The following TRIM60 variants were observed in gnomAD, a reference collection of about 807,000 sequenced individuals.
TRIM60 encodes the protein tripartite motif-containing protein 60.
For synonymous variants in TRIM60, 189 were observed against 195.2 expected, an observed-to-expected ratio of 0.97 and a Z score of 0.27; for missense variants, 524 against 540.8, an observed-to-expected ratio of 0.97 and a Z score of 0.31.
At chr4:165,039,747 G>A (rs1733706550) in intron 2 of TRIM60, 1 of 157,710 alleles carries the variant, frequency 6.3e-6, no homozygotes, top group Non-Finnish European at 1.3e-5. Flanking sequence ...GCAGTGAGCC[G>A]AGATTGCGCC....
At chr4:165,036,905 A>G (rs1208153044) in intron 1 of TRIM60, among the ~76,000 whole-genome samples, 2 of 135,658 alleles carry the variant, frequency 1.5e-5, no homozygotes, top group Non-Finnish European at 3.0e-5. Flanking sequence ...AAGAAAAAAG[A>G]AAAAAAAAGA....
At chr4:165,037,988 G>GACAA (rs61630737) in intron 1 of TRIM60, among the ~76,000 whole-genome samples, 7,937 of 152,062 alleles carry the variant, frequency 0.052, 572 homozygotes, top group African/African-American at 0.16. Flanking sequence ...AAGGCCAAAA[G>GACAA]ACAAATACCT....
chr4:165,041,434 T>C lies in TRIM60; in HGVS notation c.1362T>C (p.Thr454=), dbSNP rs763053812. The C allele has an allele frequency of 1.9e-6, 3 of 1,605,280 alleles. No individual in the cohort carries two copies. In the South Asian group the frequency reaches 3.3e-5, roughly 18 times the overall value. The part of the protein sequence containing the change: ...FTEAVWPYFY[T]GTDSEPLKIC... ...AAGCCGTTTGGCCTTATTTCTATACTGGAACAGATTCCGAACCTCTTAAAA... is the reference window on the plus strand; with the variant it reads ...AAGCCGTTTGGCCTTATTTCTATACCGGAACAGATTCCGAACCTCTTAAAA... The change falls in exon 3 of 3, where the codon ACT becomes ACC. Residue 454 remains threonine, a synonymous_variant. Transcript: ENST00000512596.
At chr4:165,035,877 C>T (rs938657870) in intron 1 of TRIM60, among the ~76,000 whole-genome samples, 1 of 152,126 alleles carries the variant, frequency 6.6e-6, no homozygotes, top group East Asian at 1.9e-4. Context: ...CATGTGCCAC[C>T]ACACCCAGCT....
At chr4:165,037,038 A>G (rs1339629199) in intron 1 of TRIM60, among the ~76,000 whole-genome samples, 1 of 151,796 alleles carries the variant, frequency 6.6e-6, no homozygotes, top group Non-Finnish European at 1.5e-5. Context: ...CCCCATCTCT[A>G]CTAAAAATAC....
intron 1 of TRIM60, among the ~76,000 whole-genome samples, chr4:165,035,897 AT>A (rs1733611357): frequency 6.6e-6 from 1 of 151,826 alleles, no homozygotes; most frequent in Non-Finnish European, 1.5e-5. Flanking sequence ...TAGTTTTTGT[AT>A]TTTTAGTAGA....
At chr4:165,035,729 T>TA (rs1421854294) in intron 1 of TRIM60, among the ~76,000 whole-genome samples, 8 of 129,318 alleles carry the variant, frequency 6.2e-5, no homozygotes, top group African/African-American at 2.9e-4. Flanking sequence ...TTTTTCTTTC[T>TA]TTTTTTTTTT....
At chr4:165,035,390 G>C (rs915136557) in intron 1 of TRIM60, among the ~76,000 whole-genome samples, 12 of 152,170 alleles carry the variant, frequency 7.9e-5, no homozygotes, top group Non-Finnish European at 1.8e-4. Context: ...TATAGTGAAA[G>C]GATACAAAGC....
intron 1 of TRIM60, among the ~76,000 whole-genome samples, chr4:165,035,778 A>C (rs932367713): frequency 6.6e-6 from 1 of 151,076 alleles, no homozygotes; most frequent in Non-Finnish European, 1.5e-5. Flanking sequence ...ACTGGAGTGC[A>C]ATGGTACTAT....
chr4:165,038,772 A>T (rs1733681296), intron 1 of TRIM60, among the ~76,000 whole-genome samples: 1 of 150,780 alleles, frequency 6.6e-6, no homozygotes, highest in Non-Finnish European at 1.5e-5. Flanking sequence ...ATACATTTTT[A>T]TATATAGTTT....
At chr4:165,039,971 A>C (rs565601000) in intron 2 of TRIM60, 98 bp from the exon 3 acceptor site, 1 of 908,028 alleles carries the variant, frequency 1.1e-6, no homozygotes. Context: ...ATCAATCTAC[A>C]AGGTCTGGGA....
rs748123972 is a variant in TRIM60, at chr4:165,040,936, A to T, written c.864A>T (p.Arg288Ser). Residue 288 changes from arginine (R) to serine (S), a missense_variant, in exon 3 of 3, where the codon AGA becomes AGT. Arg to Ser is a moderately radical substitution (Grantham distance 110). Coordinates refer to ENST00000512596, the MANE Select transcript of TRIM60 (RefSeq NM_152620.3). ...SLPPQYSGLD[R>S]IIKPFQVDVI... ...CTCCTCAATATTCTGGCTTGGACAGAATTATCAAGCCATTTCAAGTAGATG... is the reference window on the plus strand; with the variant it reads ...CTCCTCAATATTCTGGCTTGGACAGTATTATCAAGCCATTTCAAGTAGATG... The T allele has an allele frequency of 8.1e-6, 13 of 1,613,910 alleles. No individual in the cohort carries two copies. In the Admixed American group the frequency reaches 2.0e-4, roughly 25 times the overall value.
intron 1 of TRIM60, among the ~76,000 whole-genome samples, chr4:165,033,611 T>C (rs1178742498): frequency 6.6e-6 from 1 of 152,196 alleles, no homozygotes; most frequent in African/African-American, 2.4e-5. Flanking sequence ...TATAGAGTTA[T>C]GGAATTGATT....
At chr4:165,032,650 A>G (rs913132485) in intron 1 of TRIM60, among the ~76,000 whole-genome samples, 1 of 152,170 alleles carries the variant, frequency 6.6e-6, no homozygotes, top group Admixed American at 6.5e-5. Context: ...GTGATCTCCA[A>G]AAATTATGGT....
At chr4:165,037,766 GCT>G (rs1331939888) in intron 1 of TRIM60, among the ~76,000 whole-genome samples, 10 of 152,178 alleles carry the variant, frequency 6.6e-5, no homozygotes, top group African/African-American at 2.4e-4. Flanking sequence ...GTGCAGTGGA[GCT>G]CTCTTTTAAT....
intron 1 of TRIM60, among the ~76,000 whole-genome samples, chr4:165,033,641 A>T (rs970519749): frequency 6.6e-6 from 1 of 152,244 alleles, no homozygotes; most frequent in East Asian, 1.9e-4. Context: ...GAGCATGTCA[A>T]AAATAAAGCC....
intron 1 of TRIM60, among the ~76,000 whole-genome samples, chr4:165,032,500 C>T (rs1183950418): frequency 2.0e-5 from 3 of 152,170 alleles, no homozygotes; most frequent in Admixed American, 6.5e-5. Flanking sequence ...CCGCCCGCCT[C>T]GGCCTTCCAA....
Position 165,041,561 on chromosome 4 carries a change from CTT to C in TRIM60, c.*75_*76del, listed in dbSNP as rs572987977. 328 of 1,146,614 alleles carry C rather than the reference CTT, an allele frequency of 2.9e-4. 1 individual carries two copies. In the East Asian group the frequency reaches 3.3e-3, roughly 11 times the overall value. 71.0% of individuals were successfully genotyped at this position (1,146,614 alleles called of 1,614,324 possible). ...GTAAATTTAATCTCATTTCTGGACT[CTT>C]TAAGTTTTACCACTGAAAACCAGAG... On this transcript the variant is annotated 3_prime_UTR_variant, in exon 3 of 3. Transcript: ENST00000512596.
intron 2 of TRIM60, 196 bp downstream of exon 2, chr4:165,039,448 C>T (rs1414226641): frequency 6.6e-6 from 1 of 152,298 alleles, no homozygotes; most frequent in Non-Finnish European, 1.5e-5. Context: ...ACAGGGATGA[C>T]CGCTGTATTA....
Sources: allele counts gnomAD v4.1 joint callset (sites outside exome capture counted in the v4.1 genomes callset), GRCh38; gene constraint gnomAD v4.1.1; transcripts MANE v1.5; gene names NCBI Gene and HGNC (gene_info 2026-07-23, HGNC 2026-07-21).